Variants in KIAA1217 observed in about 807,000 individuals in gnomAD.
KIAA1217 encodes KIAA1217.
Under a neutral mutation model 163.9 loss-of-function variants are expected in KIAA1217, and 88 were observed. The observed-to-expected ratio is 0.54, with a 90% CI of 0.45 to 0.64. The LOEUF (loss-of-function observed/expected upper bound fraction) is 0.64, where lower values mean the gene tolerates loss of function less well. Ranked by LOEUF, KIAA1217 falls within the 30% of genes least tolerant of loss-of-function variation. The probability of loss-of-function intolerance (pLI) is 0.00; values close to 1 mark genes in which losing one functional copy is unlikely to be tolerated. For synonymous variants in KIAA1217, 903 were observed against 923.1 expected (o/e 0.98, Z 0.39); for missense variants, 2,372 against 2,475.0 (o/e 0.96, Z 0.88).
chr10:24,535,793 AAAC>A (rs2073922518), intron 16 of KIAA1217, among the ~76,000 whole-genome samples: 1 of 151,960 alleles, frequency 6.6e-6, no homozygotes, highest in Non-Finnish European at 1.5e-5. Context: ...ATAAACAAAC[AAAC>A]AAACAAATAA....
chr10:23,905,555 G>A (rs1842125270), intron 1 of KIAA1217, among the ~76,000 whole-genome samples: 1 of 152,066 alleles, frequency 6.6e-6, no homozygotes, highest in Non-Finnish European at 1.5e-5. Context: ...AATCCTCAGG[G>A]AAACTCCTTC....
chr10:24,025,329 G>A (rs953760755), intron 2 of KIAA1217, among the ~76,000 whole-genome samples: 1 of 151,702 alleles, frequency 6.6e-6, no homozygotes. Context: ...GACCACATAT[G>A]TGTGGGTCTA....
intron 2 of KIAA1217, among the ~76,000 whole-genome samples, chr10:24,039,562 G>C (rs1209653169): frequency 6.6e-6 from 1 of 152,144 alleles, no homozygotes; most frequent in Non-Finnish European, 1.5e-5. Context: ...GCTGCTGTAA[G>C]TGTTCTGGGC....
At chr10:24,320,269 AT>A (rs2043967676) in intron 2 of KIAA1217, among the ~76,000 whole-genome samples, 1 of 152,222 alleles carries the variant, frequency 6.6e-6, no homozygotes, top group Non-Finnish European at 1.5e-5. Context: ...TAGAGGAAAA[AT>A]AAATTGGTAC....
chr10:24,210,975 A>G (rs953438640), intron 1 of KIAA1217, among the ~76,000 whole-genome samples: 1 of 151,868 alleles, frequency 6.6e-6, no homozygotes, highest in Non-Finnish European at 1.5e-5. Flanking sequence ...ATCCCATGCC[A>G]TATTTGGGAT....
chr10:24,448,271 T>C (rs758937080), intron 5 of KIAA1217, among the ~76,000 whole-genome samples: 1 of 152,062 alleles, frequency 6.6e-6, no homozygotes, highest in Non-Finnish European at 1.5e-5. Context: ...TTTTCAGGAG[T>C]TGAATTCACC....
chr10:24,048,489 G>A lies in KIAA1217; in HGVS notation c.-171+41115G>A, dbSNP rs993225188. On this transcript the variant is annotated intron_variant, in intron 2 of 18. Coordinates refer to the KIAA1217 transcript ENST00000376462. Reference sequence around the variant, plus strand: ...CTCACGCCTTTAATCCCAGCACCTTGGGAGGCCAAGGCGGGTGGATTACTT... The same window carrying A: ...CTCACGCCTTTAATCCCAGCACCTTAGGAGGCCAAGGCGGGTGGATTACTT... 4.6e-5 allele frequency among the ~76,000 whole-genome samples: 7 copies of A among 152,314 alleles called. No individual in the cohort carries two copies. In the South Asian group the frequency reaches 1.4e-3, roughly 32 times the overall value.
chr10:23,713,313 G>A (rs759728190), intron 1 of KIAA1217, among the ~76,000 whole-genome samples: 8 of 151,988 alleles, frequency 5.3e-5, no homozygotes, highest in Non-Finnish European at 1.0e-4. Context: ...AGACCGTAAG[G>A]CCAATATCAA....
chr10:24,093,487 A>G (rs2062020996), intron 2 of KIAA1217, among the ~76,000 whole-genome samples: 1 of 151,060 alleles, frequency 6.6e-6, no homozygotes, highest in South Asian at 2.1e-4. Context: ...CTTTTTCAGT[A>G]GAGACAAGGT....
rs775240290 is a variant in KIAA1217, at chr10:24,474,055, G to A, written c.1674G>A (p.Glu558=). Residue 558 remains glutamate (E), a synonymous_variant, in exon 6 of 21, where the codon GAG becomes GAA. Coordinates refer to ENST00000376454, the MANE Select transcript of KIAA1217 (RefSeq NM_019590.5). ...CGGCGACAATACCCAAAGACAGAGA[G>A]ACCAGGTAAGGTGCAGTGAGGGTGA... The part of the protein sequence containing the change: ...YSTATIPKDR[E]TRERMQAMEK... 1.3e-6 allele frequency: 2 copies of A among 1,599,316 alleles called. No individual in the cohort carries two copies. The highest frequency in any genetic ancestry group is 2.2e-5 in the East Asian group (1 of 44,708).
At chr10:24,315,665 GA>G (rs1307851303) in intron 2 of KIAA1217, among the ~76,000 whole-genome samples, 1 of 152,048 alleles carries the variant, frequency 6.6e-6, no homozygotes, top group Non-Finnish European at 1.5e-5. Context: ...AGGATGGCTT[GA>G]GGCAGGAGGA....
chr10:23,889,138 C>T (rs1841313391), intron 1 of KIAA1217, among the ~76,000 whole-genome samples: 2 of 151,872 alleles, frequency 1.3e-5, no homozygotes, highest in African/African-American at 4.8e-5. Context: ...TCTGCATTTT[C>T]AGCATACATT....
intron 2 of KIAA1217, among the ~76,000 whole-genome samples, chr10:24,103,110 C>G (rs1323644357): frequency 6.6e-6 from 1 of 152,134 alleles, no homozygotes; most frequent in Non-Finnish European, 1.5e-5. Flanking sequence ...TTATAAATTA[C>G]CCAGTCTTGA....
At chr10:23,978,676 T>TCA (rs1266245884) in intron 1 of KIAA1217, among the ~76,000 whole-genome samples, 1 of 152,072 alleles carries the variant, frequency 6.6e-6, no homozygotes, top group African/African-American at 2.4e-5. Flanking sequence ...TACACAATCT[T>TCA]TATATATATA....
At chr10:23,943,299 G>A (rs1312787969) in intron 1 of KIAA1217, among the ~76,000 whole-genome samples, 1 of 152,106 alleles carries the variant, frequency 6.6e-6, no homozygotes, top group Non-Finnish European at 1.5e-5. Context: ...AATTTAGCAA[G>A]GCCTTGGGAT....
At chr10:24,408,643 A>ACAACCT (rs2057456732) in intron 3 of KIAA1217, among the ~76,000 whole-genome samples, 4 of 152,338 alleles carry the variant, frequency 2.6e-5, no homozygotes, top group South Asian at 4.1e-4. Flanking sequence ...TTTATTGGCA[A>ACAACCT]CAACCTCAAG....
chr10:24,206,566 A>G (rs2130557880), upstream of KIAA1217, among the ~76,000 whole-genome samples: 1 of 152,302 alleles, frequency 6.6e-6, no homozygotes, highest in South Asian at 2.1e-4. Flanking sequence ...TGCCTTCTCA[A>G]ATTGTTTTCA....
intron 2 of KIAA1217, among the ~76,000 whole-genome samples, chr10:24,336,327 C>T (rs1001679910): frequency 6.6e-6 from 1 of 152,192 alleles, no homozygotes; most frequent in Non-Finnish European, 1.5e-5. Flanking sequence ...GCACAAAGAA[C>T]ACGTATGGTA....
At chr10:24,175,885 A>G (rs115562139) in intron 2 of KIAA1217, among the ~76,000 whole-genome samples, 516 of 152,312 alleles carry the variant, frequency 3.4e-3, no homozygotes, top group African/African-American at 0.012. Flanking sequence ...GTGAAACTGC[A>G]GACCTCCACC....
Sources: allele counts gnomAD v4.1 joint callset (sites outside exome capture counted in the v4.1 genomes callset), GRCh38; gene constraint gnomAD v4.1.1; transcripts MANE v1.5; gene names NCBI Gene and HGNC (gene_info 2026-07-23, HGNC 2026-07-21).